Variants in APC observed in about 807,000 individuals in gnomAD.
APC encodes APC regulator of Wnt signaling pathway.
APC carries 72 observed loss-of-function variants against 247.0 expected under a neutral mutation model. The observed-to-expected ratio is 0.29, with a 90% CI of 0.24 to 0.35. The LOEUF (loss-of-function observed/expected upper bound fraction) is 0.35. Among genes scored for constraint, APC ranks in the 10% least tolerant of loss-of-function variants. The pLI, the probability that APC is intolerant of heterozygous loss-of-function variation, is 1.00. For synonymous variants in APC, 1,254 were observed against 1,162.5 expected, an observed-to-expected ratio of 1.08 and a Z score of -1.60; for missense variants, 3,400 against 3,360.7, an observed-to-expected ratio of 1.01 and a Z score of -0.29.
intron 9 of APC, among the ~76,000 whole-genome samples, chr5:112,815,956 C>T (rs1031175863): frequency 5.9e-5 from 9 of 152,158 alleles, no homozygotes; most frequent in South Asian, 2.1e-4. Flanking sequence ...TTTTATACAA[C>T]GAAGCATAAA....
At chr5:112,781,284 C>G (rs1485381572) in intron 6 of APC, among the ~76,000 whole-genome samples, 2 of 152,268 alleles carry the variant, frequency 1.3e-5, no homozygotes, top group African/African-American at 4.8e-5. Flanking sequence ...TTAAAAAACC[C>G]TCATTCAAGG....
intron 8 of APC, among the ~76,000 whole-genome samples, chr5:112,802,254 A>T (rs1432681130): frequency 6.6e-6 from 1 of 152,130 alleles, no homozygotes; most frequent in East Asian, 1.9e-4. Flanking sequence ...ATGTCTTATT[A>T]AGTATTTAAA....
chr5:112,726,717 T>C (rs1217762862), intron 1 of APC, among the ~76,000 whole-genome samples: 2 of 152,056 alleles, frequency 1.3e-5, no homozygotes, highest in African/African-American at 4.8e-5. Flanking sequence ...GTTGAGAGGG[T>C]ATTTGAATGT....
chr5:112,843,654 C>T lies in APC; in HGVS notation c.8060C>T (p.Ser2687Leu), dbSNP rs144746572. ...ACTCCCCCGGTGATTGACAGTGTTTCAGAAAAGGCAAATCCAAACATTAAA... is the reference window on the plus strand; with the variant it reads ...ACTCCCCCGGTGATTGACAGTGTTTTAGAAAAGGCAAATCCAAACATTAAA... Reference protein sequence around the residue: ...GNTPPVIDSVSEKANPNIKDS... With the variant: ...GNTPPVIDSVLEKANPNIKDS... The change falls in exon 16 of 16, where the codon TCA becomes TTA. Residue 2687 changes from serine to leucine, a missense_variant. Physicochemically the swap from Ser to Leu is moderately radical, Grantham distance 145. Coordinates refer to ENST00000257430, the MANE Select transcript of APC (RefSeq NM_000038.6). The surrounding 1 kb of genome is among the most constrained non-coding windows in gnomAD (Gnocchi z 4.8). 3.7e-6 allele frequency: 6 copies of T among 1,613,710 alleles called. No homozygotes were observed. The highest frequency in any genetic ancestry group is 3.4e-6 in the Non-Finnish European group (4 of 1,179,782).
rs1060504880 is a variant in APC, at chr5:112,839,719, C to T, written c.4125C>T (p.His1375=). ...GAQTPKSPPE[H]YVQETPLMFS... ...AGACACCCAAAAGTCCACCTGAACA[C>T]TATGTTCAGGAGACCCCACTCATGT... is the stretch of plus-strand genomic sequence containing the variant. The change falls in exon 16 of 16, where the codon CAC becomes CAT. Residue 1375 remains histidine (H), a synonymous_variant. Transcript: ENST00000257430. The surrounding 1 kb of genome is among the most constrained non-coding windows in gnomAD (Gnocchi z 5.0). 7 of 1,614,074 alleles carry T rather than the reference C, an allele frequency of 4.3e-6. No homozygotes were observed. The highest frequency in any genetic ancestry group is 5.9e-6 in the Non-Finnish European group (7 of 1,179,958).
Position 112,842,665 on chromosome 5 carries a change from G to A in APC, c.7071G>A (p.Lys2357=), listed in dbSNP as rs1249303627. Residue 2357 remains lysine, a synonymous_variant, in exon 16 of 16, where the codon AAG becomes AAA. Coordinates refer to ENST00000257430, the MANE Select transcript of APC (RefSeq NM_000038.6). ...CATCCCCTAGTACTGCTTCAACTAA[G>A]TCCTCAGGTTCTGGAAAAATGTCAT... ...RTSSPSTAST[K]SSGSGKMSYT... is the part of the protein sequence containing the mutation. The A allele has an allele frequency of 6.2e-7, 1 of 1,613,700 alleles. No homozygotes were observed. The highest frequency in any genetic ancestry group is 8.5e-7 in the Non-Finnish European group (1 of 1,179,716).
chr5:112,767,451 A>T (rs949608865), intron 4 of APC, 61 bp downstream of exon 4: 1 of 1,325,300 alleles, frequency 7.5e-7, no homozygotes, highest in Middle Eastern at 2.2e-4. Context: ...TTATTTTGTA[A>T]TATAATATTT....
At chr5:112,802,434 C>T (rs1760926329) in intron 8 of APC, among the ~76,000 whole-genome samples, 1 of 151,964 alleles carries the variant, frequency 6.6e-6, no homozygotes, top group East Asian at 1.9e-4. Context: ...TATATTCCTA[C>T]ACATATGTAG....
intron 6 of APC, among the ~76,000 whole-genome samples, chr5:112,784,277 A>G (rs1758703576): frequency 6.6e-6 from 1 of 152,228 alleles, no homozygotes; most frequent in South Asian, 2.1e-4. Context: ...CATATTGGTC[A>G]GGCTGGTCTT....
intron 7 of APC, among the ~76,000 whole-genome samples, chr5:112,796,169 G>A (rs1424250136): frequency 6.6e-6 from 1 of 152,210 alleles, no homozygotes; most frequent in South Asian, 2.1e-4. Context: ...TATACCATCT[G>A]CCAGCTATGA....
intron 6 of APC, among the ~76,000 whole-genome samples, chr5:112,790,468 G>A (rs1759453529): frequency 1.3e-5 from 2 of 151,818 alleles, no homozygotes; most frequent in African/African-American, 4.8e-5. Context: ...TGGGATTACA[G>A]GCACGCGTCA....
intron 6 of APC, among the ~76,000 whole-genome samples, chr5:112,785,831 T>A (rs1210118580): frequency 1.3e-5 from 2 of 152,138 alleles, no homozygotes; most frequent in Non-Finnish European, 2.9e-5. Flanking sequence ...AAGTTATAGG[T>A]TGATTAGCTA....
At chr5:112,727,893 A>G (rs1751879432) in intron 1 of APC, among the ~76,000 whole-genome samples, 3 of 152,082 alleles carry the variant, frequency 2.0e-5, no homozygotes, top group African/African-American at 7.2e-5. Context: ...AAAAAATTGA[A>G]GAAGACATAC....
chr5:112,795,522 A>G (rs1734244), intron 7 of APC, among the ~76,000 whole-genome samples: 14,514 of 152,270 alleles, frequency 0.095, 763 homozygotes, highest in Middle Eastern at 0.15. Flanking sequence ...TCACATGGTG[A>G]CAGCCACCCA....
intron 6 of APC, 100 bp from the exon 7 acceptor site, chr5:112,792,346 T>C (rs1328715799): frequency 1.3e-6 from 1 of 747,438 alleles, no homozygotes; most frequent in Admixed American, 2.6e-5. Flanking sequence ...GAGAATGATT[T>C]GACATAACCC....
rs557861432 is a variant in APC at position 112,723,577 on chromosome 5, G to T, written c.165+15695G>T. The stretch of plus-strand genomic sequence containing the variant: ...TTTCTTTTGTGGGAGGGGAAAACAT[G>T]AAGAGAATAGTAGTTCAAAAATTTA... On this transcript the variant is annotated intron_variant, in intron 1 of 13. Transcript: ENST00000507379. 4.6e-5 allele frequency among the ~76,000 whole-genome samples: 7 copies of T among 152,274 alleles called. No homozygotes were observed. In the East Asian group the frequency reaches 7.7e-4, roughly 17 times the overall value.
intron 1 of APC, among the ~76,000 whole-genome samples, chr5:112,731,120 A>G (rs1313311675): frequency 6.6e-6 from 1 of 152,078 alleles, no homozygotes; most frequent in Non-Finnish European, 1.5e-5. Flanking sequence ...AAATGTGCCA[A>G]AAGTATAATT....
chr5:112,777,814 C>T (rs1757831410), intron 5 of APC: 1 of 253,494 alleles, frequency 3.9e-6, no homozygotes, highest in Non-Finnish European at 8.3e-6. Context: ...GCACCAATTA[C>T]TCCTTCAGGA....
intron 14 of APC, among the ~76,000 whole-genome samples, chr5:112,834,238 CTTTT>C (rs963878310): frequency 3.9e-5 from 5 of 126,588 alleles, no homozygotes; most frequent in Non-Finnish European, 8.1e-5. Flanking sequence ...CACGTTGCGC[CTTTT>C]TTTTTTTTTT....
Sources: gnomAD v4.1 joint callset for allele counts (sites outside exome capture counted in the v4.1 genomes callset) on GRCh38, gnomAD v4.1.1 for gene constraint, Gnocchi (gnomAD v3.1) non-coding constraint, MANE v1.5 for transcripts, NCBI Gene and HGNC (gene_info 2026-07-23, HGNC 2026-07-21) for gene names.